The following USP40 variants were observed in gnomAD, a reference collection of about 807,000 sequenced individuals.
USP40 encodes the protein ubiquitin specific peptidase 40.
Under a neutral mutation model 166.2 loss-of-function variants are expected in USP40, and 143 were observed. That is an observed-to-expected ratio of 0.86 (90% confidence interval 0.75 to 0.99). The LOEUF is 0.99. Ranked by LOEUF, USP40 falls within the 50% of genes least tolerant of loss-of-function variation. The probability of loss-of-function intolerance (pLI) is 0.00; values close to 1 mark genes in which losing one functional copy is unlikely to be tolerated. For synonymous variants in USP40, 498 were observed against 524.0 expected, an observed-to-expected ratio of 0.95 and a Z score of 0.68; for missense variants, 1,444 against 1,479.7, an observed-to-expected ratio of 0.98 and a Z score of 0.40.
In USP40 at chr2:233,559,791, T is replaced by G; in HGVS notation, c.381+20A>C. 1 of 1,553,418 alleles carries G rather than the reference T, an allele frequency of 6.4e-7. No individual in the cohort carries two copies. Among genetic ancestry groups the G allele is most frequent in the Non-Finnish European group, 8.8e-7 (1 of 1,139,946 alleles). ...TCCTCTATTGCTGGTAACTCTTCCT[T>G]AAAGAGCTGATCCTCGTACCTCATT... is the stretch of plus-strand genomic sequence containing the variant. On this transcript the variant is annotated intron_variant, in intron 4 of 31. Transcript: ENST00000678225.
chr2:233,519,678 CAG>C lies in USP40; in HGVS notation c.2326-9_2326-8del. Reference sequence around the variant, plus strand: ...TTCGAATATCAAACACCATCTAAAACAGAGAAATAAAATAATGACTAAGTTGT... The same window carrying C: ...TTCGAATATCAAACACCATCTAAAACAGAAATAAAATAATGACTAAGTTGT... On this transcript the variant is annotated splice_polypyrimidine_tract_variant and splice_region_variant and intron_variant, in intron 17 of 31. Coordinates refer to ENST00000678225, the MANE Select transcript of USP40 (RefSeq NM_001365479.2). 7.2e-7 allele frequency: 1 copy of C among 1,385,260 alleles called. No individual in the cohort carries two copies. Among genetic ancestry groups the C allele is most frequent in the Non-Finnish European group, 9.9e-7 (1 of 1,012,702 alleles). 85.8% of individuals were successfully genotyped at this position (1,385,260 alleles called of 1,614,324 possible). A position where few individuals can be genotyped will look rare whatever the true frequency, so the allele number is the denominator to read the frequency against.
Position 233,535,332 on chromosome 2 carries a change from T to C in USP40, c.1171-1553A>G, listed in dbSNP as rs535178069. Reference sequence around the variant, plus strand: ...CAAGTCCTACCAAATTAGAAAGAGATAGCAAACTTTTTCTTAAAGAGCCAG... The same window carrying C: ...CAAGTCCTACCAAATTAGAAAGAGACAGCAAACTTTTTCTTAAAGAGCCAG... On this transcript the variant is annotated intron_variant, in intron 10 of 31. Transcript: ENST00000678225. Among the ~76,000 whole-genome samples the C allele has an allele frequency of 3.9e-5, 6 of 152,322 alleles. No individual in the cohort carries two copies. The East Asian group carries it at 9.6e-4, about 24-fold the overall frequency.
intron 8 of USP40, among the ~76,000 whole-genome samples, chr2:233,547,223 T>C (rs1185887131): frequency 1.3e-5 from 2 of 152,214 alleles, no homozygotes; most frequent in Non-Finnish European, 2.9e-5. Context: ...AAAATCAACA[T>C]ACTAAAGAAA....
At chr2:233,566,469 G>A (rs2072168765) in intron 1 of USP40, among the ~76,000 whole-genome samples, 1 of 152,200 alleles carries the variant, frequency 6.6e-6, no homozygotes, top group Non-Finnish European at 1.5e-5. Flanking sequence ...CAACTCCTAC[G>A]GCCGGCCGAG....
At position 233,509,814 on chromosome 2, in the gene USP40, CTGGG is replaced by C. The variant is rs2066670142; in HGVS notation, c.2613+231_2613+234del. On this transcript the variant is annotated intron_variant, in intron 21 of 31. Coordinates refer to ENST00000678225, the MANE Select transcript of USP40 (RefSeq NM_001365479.2). ...TGAGATCATGCCACTGCACTCCAGC[CTGGG>C]TGACAGAGTTGAGACTCTCTAAAAA... Among the ~76,000 whole-genome samples, 4 of 146,016 alleles carry C rather than the reference CTGGG, an allele frequency of 2.7e-5. No homozygotes were observed. The South Asian group carries it at 8.7e-4, about 32-fold the overall frequency.
intron 13 of USP40, 62 bp from the exon 14 acceptor site, chr2:233,525,624 C>A: frequency 7.8e-7 from 1 of 1,274,036 alleles, no homozygotes; most frequent in Non-Finnish European, 1.1e-6. Context: ...ATCACCTTTC[C>A]AGGTTACTGT....
At chr2:233,499,966 T>G in intron 21 of USP40, 51 bp from the exon 22 acceptor site, 1 of 1,561,124 alleles carries the variant, frequency 6.4e-7, no homozygotes, top group Non-Finnish European at 8.8e-7. Flanking sequence ...TGAGTTACAG[T>G]TCTAGGACAA....
chr2:233,521,949 T>A (rs923352050), intron 16 of USP40, among the ~76,000 whole-genome samples: 1 of 152,210 alleles, frequency 6.6e-6, no homozygotes, highest in Admixed American at 6.5e-5. Flanking sequence ...ACTCTTTCAA[T>A]CCTCTCAAGT....
At chr2:233,497,102 A>AT (rs771647527) in intron 23 of USP40, among the ~76,000 whole-genome samples, 5 of 152,204 alleles carry the variant, frequency 3.3e-5, no homozygotes, top group Non-Finnish European at 7.4e-5. Flanking sequence ...AGAAGATGAA[A>AT]TTTTAATTAA....
rs1384959500 is a variant in USP40 at position 233,487,926 on chromosome 2, C to T, written c.3197+313G>A. The T allele has an allele frequency of 1.0e-5, 6 of 578,452 alleles. No homozygotes were observed. In the Admixed American group the frequency reaches 1.3e-4, roughly 13 times the overall value. 35.8% of individuals were successfully genotyped at this position (578,452 alleles called of 1,614,324 possible). ...GAGCAATGATGAATCCGTTGGATGG[C>T]AGACTGTCCGAACACACTGACAACA... On this transcript the variant is annotated intron_variant, in intron 28 of 31. Coordinates refer to ENST00000678225, the MANE Select transcript of USP40 (RefSeq NM_001365479.2).
chr2:233,544,571 A>C (rs1344654032), intron 8 of USP40, among the ~76,000 whole-genome samples: 3 of 152,164 alleles, frequency 2.0e-5, no homozygotes, highest in African/African-American at 7.2e-5. Context: ...GACTTCATTA[A>C]CATCAACTCA....
chr2:233,537,039 G>A (rs1277867345), intron 10 of USP40, among the ~76,000 whole-genome samples: 1 of 151,788 alleles, frequency 6.6e-6, no homozygotes, highest in East Asian at 1.9e-4. Flanking sequence ...GCGCACCACC[G>A]CATCCAGCTA....
intron 18 of USP40, among the ~76,000 whole-genome samples, chr2:233,514,655 C>T (rs1255652743): frequency 1.3e-5 from 2 of 151,926 alleles, no homozygotes; most frequent in East Asian, 3.9e-4. Flanking sequence ...CACGTATTGA[C>T]GATGATCAAA....
At chr2:233,479,026 G>A (rs541672583) in intron 31 of USP40, among the ~76,000 whole-genome samples, 18 of 152,278 alleles carry the variant, frequency 1.2e-4, no homozygotes, top group African/African-American at 3.6e-4. Flanking sequence ...GTTACATCAC[G>A]GTGTTCAGAA....
intron 10 of USP40, among the ~76,000 whole-genome samples, chr2:233,540,242 G>C (rs1229798928): frequency 2.0e-5 from 3 of 151,808 alleles, no homozygotes; most frequent in Non-Finnish European, 4.4e-5. Context: ...ATGGAACATA[G>C]CTTCAGGTTC....
chr2:233,508,789 G>T (rs1348345119), intron 21 of USP40, among the ~76,000 whole-genome samples: 1 of 152,134 alleles, frequency 6.6e-6, no homozygotes, highest in Non-Finnish European at 1.5e-5. Context: ...TTACCTTTAT[G>T]ATTGCCTAGC....
chr2:233,539,313 C>T (rs2069185479), intron 10 of USP40, among the ~76,000 whole-genome samples: 1 of 151,936 alleles, frequency 6.6e-6, no homozygotes, highest in African/African-American at 2.4e-5. Context: ...CAGAAAACAA[C>T]CTCTTTAGTG....
chr2:233,488,143 AAAAAAATGC>A lies in USP40; in HGVS notation c.3197+87_3197+95del, dbSNP rs1235811710. On this transcript the variant is annotated intron_variant, in intron 28 of 31. Transcript: ENST00000678225. Reference sequence around the variant, plus strand: ...GTTGCTAGGCTACTTAGAAGCAGTGAAAAAAATGCTACACTATGAAGTTGTTAAAGCTTC... The same window carrying A: ...GTTGCTAGGCTACTTAGAAGCAGTGATACACTATGAAGTTGTTAAAGCTTC... 15 of 1,031,990 alleles carry A rather than the reference AAAAAAATGC, an allele frequency of 1.5e-5. No individual in the cohort carries two copies. In the Admixed American group the frequency reaches 3.0e-4, roughly 21 times the overall value. 63.9% of individuals were successfully genotyped at this position (1,031,990 alleles called of 1,614,324 possible).
intron 21 of USP40, among the ~76,000 whole-genome samples, chr2:233,504,854 C>A (rs139273941): frequency 2.4e-4 from 36 of 152,028 alleles, no homozygotes; most frequent in African/African-American, 8.7e-4. Flanking sequence ...ATAGACCAAA[C>A]GGAGCTAACA....
Sources: gnomAD v4.1 joint callset for allele counts (sites outside exome capture counted in the v4.1 genomes callset) on GRCh38, gnomAD v4.1.1 for gene constraint, MANE v1.5 for transcripts, NCBI Gene and HGNC (gene_info 2026-07-23, HGNC 2026-07-21) for gene names.